Variants in LGR5 observed in about 807,000 individuals in gnomAD.
LGR5 encodes the protein leucine-rich repeat-containing G protein-coupled receptor 5.
A neutral mutation model predicts 76.7 loss-of-function variants in LGR5; 54 were observed. The ratio of observed to expected loss-of-function variants is 0.70; its 90% CI spans 0.57 to 0.88. The LOEUF is 0.88. LGR5 is among the 40% of genes least tolerant of loss of function. The pLI is 0.00. For synonymous variants in LGR5, 406 were observed against 421.9 expected (o/e 0.96, Z 0.46); for missense variants, 1,078 against 1,073.3 (o/e 1.00, Z -0.06).
intron 1 of LGR5, among the ~76,000 whole-genome samples, chr12:71,457,071 T>A (rs1357204416): frequency 6.6e-6 from 1 of 152,146 alleles, no homozygotes; most frequent in Non-Finnish European, 1.5e-5. Context: ...TTTGGTCAGA[T>A]AAATCTCACT....
intron 1 of LGR5, among the ~76,000 whole-genome samples, chr12:71,487,041 AC>A (rs1873861074): frequency 6.6e-6 from 1 of 152,122 alleles, no homozygotes; most frequent in Non-Finnish European, 1.5e-5. Flanking sequence ...TAGGTGGAAA[AC>A]CTTTATATAT....
intron 11 of LGR5, 61 bp downstream of exon 11, chr12:71,566,973 G>A (rs367807043): frequency 8.3e-5 from 102 of 1,221,732 alleles, no homozygotes; most frequent in Admixed American, 2.2e-4. Context: ...GGGGTGAAAT[G>A]GCAGACATGA....
At chr12:71,451,486 G>C (rs1158569788) in intron 1 of LGR5, among the ~76,000 whole-genome samples, 1 of 152,078 alleles carries the variant, frequency 6.6e-6, no homozygotes, top group Non-Finnish European at 1.5e-5. Flanking sequence ...GTTGCCATCT[G>C]CTGGGATTGC....
chr12:71,553,111 G>A lies in LGR5; in HGVS notation c.467G>A (p.Ser156Asn). 1.9e-6 allele frequency: 3 copies of A among 1,613,972 alleles called. No homozygotes were observed. The highest frequency in any genetic ancestry group is 2.5e-6 in the Non-Finnish European group (3 of 1,180,012). Residue 156 changes from serine to asparagine, a missense_variant, in exon 5 of 18, where the codon AGC becomes AAC. Ser to Asn is a conservative substitution (Grantham distance 46). Transcript: ENST00000266674. The stretch of plus-strand genomic sequence containing the variant: ...AACCACATCAGCTATGTGCCCCCAA[G>A]CTGTTTCAGTGGCCTGCATTCCCTG... ...DANHISYVPP[S>N]CFSGLHSLRH...
chr12:71,517,343 CA>C (rs1373318954), intron 2 of LGR5, among the ~76,000 whole-genome samples: 1 of 152,182 alleles, frequency 6.6e-6, no homozygotes. Context: ...CCTGATAACA[CA>C]GGTCAGTGGT....
intron 14 of LGR5, among the ~76,000 whole-genome samples, chr12:71,578,199 T>C (rs1350606732): frequency 6.6e-6 from 1 of 152,232 alleles, no homozygotes; most frequent in Admixed American, 6.5e-5. Flanking sequence ...AATTGAAGAT[T>C]TGGGTGACAC....
chr12:71,509,282 T>C (rs1875025580), intron 2 of LGR5, among the ~76,000 whole-genome samples: 1 of 152,182 alleles, frequency 6.6e-6, no homozygotes, highest in African/African-American at 2.4e-5. Context: ...GTTGGTAAAC[T>C]ATATTCTGTA....
intron 5 of LGR5, 131 bp downstream of exon 5, chr12:71,553,419 C>T: frequency 1.4e-6 from 1 of 696,860 alleles, no homozygotes; most frequent in South Asian, 1.8e-5. Flanking sequence ...AGCCCCTCCC[C>T]AAAATGACTT....
chr12:71,576,260 T>C (rs1398980972), intron 13 of LGR5, among the ~76,000 whole-genome samples: 1 of 152,188 alleles, frequency 6.6e-6, no homozygotes, highest in Non-Finnish European at 1.5e-5. Context: ...TTAAATTTTT[T>C]TAAAAGATGG....
intron 6 of LGR5, 47 bp downstream of exon 6, chr12:71,556,737 A>G (rs750783942): frequency 1.4e-6 from 2 of 1,431,136 alleles, no homozygotes; most frequent in Non-Finnish European, 2.0e-6. Flanking sequence ...ATTTTCATGA[A>G]TATTCTGAAG....
rs766795698 is a variant in LGR5, at chr12:71,584,690, G to A, written c.2680G>A (p.Glu894Lys). The A allele has an allele frequency of 1.2e-6, 2 of 1,613,636 alleles. No homozygotes were observed. The highest frequency in any genetic ancestry group is 8.5e-7 in the Non-Finnish European group (1 of 1,179,562). Reference sequence around the variant, plus strand: ...GCCATCACCAGCTTATCCAGTGACTGAGAGCTGCCATCTTTCCTCTGTGGC... The same window carrying A: ...GCCATCACCAGCTTATCCAGTGACTAAGAGCTGCCATCTTTCCTCTGTGGC... Reference protein sequence around the residue: ...SVPSPAYPVTESCHLSSVAFV... With the variant: ...SVPSPAYPVTKSCHLSSVAFV... The change falls in exon 18 of 18, where the codon GAG becomes AAG. Residue 894 changes from glutamate to lysine, a missense_variant. Physicochemically the swap from Glu to Lys is moderately conservative, Grantham distance 56. Coordinates refer to ENST00000266674, the MANE Select transcript of LGR5 (RefSeq NM_003667.4).
At position 71,568,099 on chromosome 12, in the gene LGR5, A is replaced by G. The variant is rs113519636; in HGVS notation, c.1070+1187A>G. 3.5e-3 allele frequency among the ~76,000 whole-genome samples: 540 copies of G among 152,298 alleles called. 3 individuals are homozygous for G. Among genetic ancestry groups the G allele is most frequent in the Non-Finnish European group, 5.4e-3 (367 of 68,028 alleles). ...TTCTCCAGAAAACTGGCGCAGTTAT[A>G]TGATTAGGATTTTACATACTGGAGC... On this transcript the variant is annotated intron_variant, in intron 11 of 17. Transcript: ENST00000266674.
At chr12:71,495,757 G>T (rs58772625) in intron 1 of LGR5, among the ~76,000 whole-genome samples, 2 of 151,136 alleles carry the variant, frequency 1.3e-5, no homozygotes, top group African/African-American at 4.9e-5. Flanking sequence ...TTAACTATTA[G>T]ACTATTAACT....
chr12:71,553,814 G>A (rs765438117), intron 5 of LGR5, among the ~76,000 whole-genome samples: 19 of 152,146 alleles, frequency 1.2e-4, no homozygotes, highest in Non-Finnish European at 2.5e-4. Context: ...ACACAAGGCC[G>A]GCACAGTGGC....
chr12:71,574,989 TG>T (rs1307706452), intron 13 of LGR5, among the ~76,000 whole-genome samples: 60 of 152,350 alleles, frequency 3.9e-4, no homozygotes, highest in African/African-American at 1.4e-3. Context: ...TCTAGTGCAG[TG>T]GCTTTTTTAT....
intron 1 of LGR5, among the ~76,000 whole-genome samples, chr12:71,454,060 G>A (rs960107142): frequency 1.3e-5 from 2 of 152,108 alleles, no homozygotes; most frequent in Non-Finnish European, 2.9e-5. Context: ...GGGGAGAAGA[G>A]AGCTAGGTGA....
At chr12:71,503,413 G>A (rs1456086406) in intron 1 of LGR5, among the ~76,000 whole-genome samples, 1 of 152,058 alleles carries the variant, frequency 6.6e-6, no homozygotes, top group Admixed American at 6.5e-5. Context: ...AAAATTAATA[G>A]CAATTTGGGG....
chr12:71,490,950 C>T (rs1874041147), intron 1 of LGR5, among the ~76,000 whole-genome samples: 1 of 152,080 alleles, frequency 6.6e-6, no homozygotes, highest in South Asian at 2.1e-4. Flanking sequence ...CCCATAAAAC[C>T]CACATGTCAT....
chr12:71,556,617 A>T lies in LGR5; in HGVS notation c.645-2A>T. On this transcript the variant is annotated splice_acceptor_variant, in intron 5 of 17. Transcript: ENST00000266674. LOFTEE classifies it high-confidence loss of function. Reference sequence around the variant, plus strand: ...CTAACTATCTGTAATGTTCTACTGCAGACATCTCCATAACAATAGAATCCA... The same window carrying T: ...CTAACTATCTGTAATGTTCTACTGCTGACATCTCCATAACAATAGAATCCA... 1 of 1,598,194 alleles carries T rather than the reference A, an allele frequency of 6.3e-7. No homozygotes were observed. Among genetic ancestry groups the T allele is most frequent in the Non-Finnish European group, 8.6e-7 (1 of 1,165,514 alleles).
Sources: allele counts gnomAD v4.1 joint callset (sites outside exome capture counted in the v4.1 genomes callset), GRCh38; gene constraint gnomAD v4.1.1; transcripts MANE v1.5; gene names NCBI Gene and HGNC (gene_info 2026-07-23, HGNC 2026-07-21).